CMTM4: variants seen among roughly 807,000 people sequenced by gnomAD.
CMTM4 encodes the protein CKLF like MARVEL transmembrane domain containing 4.
A neutral mutation model predicts 19.0 loss-of-function variants in CMTM4; 8 were observed. The observed-to-expected ratio is 0.42, with a 90% CI of 0.25 to 0.76. The LOEUF is 0.76. CMTM4 is among the 30% of genes least tolerant of loss of function. CMTM4 has a pLI of 0.27. For missense variants in CMTM4, 228 were observed against 290.2 expected, an observed-to-expected ratio of 0.79 and a Z score of 1.56; for synonymous variants, 106 against 121.1, an observed-to-expected ratio of 0.88 and a Z score of 0.82.
chr16:66,599,986 C>T, the CMTM4 span, among the ~76,000 whole-genome samples: 1 of 151,942 alleles, frequency 6.6e-6, no homozygotes, highest in South Asian at 2.1e-4. Flanking sequence ...TGTTGAGCAT[C>T]TTTTTACACG....
chr16:66,639,632 C>G (rs1374071749), intron 1 of CMTM4, among the ~76,000 whole-genome samples: 1 of 152,060 alleles, frequency 6.6e-6, no homozygotes, highest in Non-Finnish European at 1.5e-5. Flanking sequence ...TTTGGGAGTA[C>G]AGCACTTCAG....
the CMTM4 span, among the ~76,000 whole-genome samples, chr16:66,603,602 A>G: frequency 2.0e-5 from 3 of 152,146 alleles, no homozygotes; most frequent in Non-Finnish European, 4.4e-5. Flanking sequence ...TTTTTTATTA[A>G]ACAAAACATC....
intron 1 of CMTM4, among the ~76,000 whole-genome samples, chr16:66,679,746 C>T (rs1241143228): frequency 6.6e-6 from 1 of 151,336 alleles, no homozygotes; most frequent in African/African-American, 2.4e-5. Flanking sequence ...AACGCTTGAA[C>T]CTGGGAGGTG....
At position 66,618,884 on chromosome 16, in the gene CMTM4, G is replaced by C. The variant is rs564519535; in HGVS notation, c.*3174C>G. The C allele has an allele frequency of 6.1e-5, 60 of 985,556 alleles. No homozygotes were observed. The African/African-American group carries it at 1.0e-3, about 17-fold the overall frequency. The allele number at this position is 985,556 out of a possible 1,614,324, so 61.1% of individuals were successfully genotyped here. ...TAACAGGGCCCGAAGGGCTGGGGGT[G>C]CCGCTGGCTTCCCAGGGCCAAGCGC... On this transcript the variant is annotated 3_prime_UTR_variant, in exon 4 of 4. Transcript: ENST00000394106.
chr16:66,678,374 T>TA (rs1374420074), intron 1 of CMTM4, among the ~76,000 whole-genome samples: 1 of 152,256 alleles, frequency 6.6e-6, no homozygotes, highest in South Asian at 2.1e-4. Context: ...ATGAGCTGGA[T>TA]AAAAATCCAG....
intron 1 of CMTM4, among the ~76,000 whole-genome samples, chr16:66,651,005 C>T (rs1001860273): frequency 1.3e-5 from 2 of 152,116 alleles, no homozygotes; most frequent in Admixed American, 6.5e-5. Context: ...TCTATTCCTG[C>T]CAATACTGAA....
At position 66,617,997 on chromosome 16, in the gene CMTM4, C is replaced by G; in HGVS notation, c.*4061G>C. The G allele has an allele frequency of 1.0e-6, 1 of 985,652 alleles. No homozygotes were observed. The highest frequency in any genetic ancestry group is 4.7e-5 in the South Asian group (1 of 21,286). The allele number at this position is 985,652 out of a possible 1,614,324, so 61.1% of individuals were successfully genotyped here. A position where few individuals can be genotyped will look rare whatever the true frequency, so the allele number is the denominator to read the frequency against. ...CTGATAGCAGACAGGTGGGGTGTTC[C>G]AGGCCACTGCTTCCTCCCTTATCTC... On this transcript the variant is annotated 3_prime_UTR_variant, in exon 4 of 4. Coordinates refer to ENST00000394106, the MANE Select transcript of CMTM4 (RefSeq NM_181521.3).
chr16:66,695,978 T>C (rs1470948229), intron 1 of CMTM4, among the ~76,000 whole-genome samples: 1 of 152,244 alleles, frequency 6.6e-6, no homozygotes, highest in African/African-American at 2.4e-5. Flanking sequence ...CGGGAAAACC[T>C]GCCACAGGTT....
At position 66,617,895 on chromosome 16, in the gene CMTM4, G is replaced by C. The variant is rs1050200993; in HGVS notation, c.*4163C>G. Reference sequence around the variant, plus strand: ...CCCTCAAGCTGACTGTGGAACGCGAGACAGCTTTCAAAGACAAGAGGACAG... The same window carrying C: ...CCCTCAAGCTGACTGTGGAACGCGACACAGCTTTCAAAGACAAGAGGACAG... On this transcript the variant is annotated 3_prime_UTR_variant, in exon 4 of 4. Transcript: ENST00000394106. 1 of 988,266 alleles carries C rather than the reference G, an allele frequency of 1.0e-6. No individual in the cohort carries two copies. The highest frequency in any genetic ancestry group is 1.2e-6 in the Non-Finnish European group (1 of 831,916). 61.2% of individuals were successfully genotyped at this position (988,266 alleles called of 1,614,324 possible).
chr16:66,631,360 C>G (rs1482033650), intron 2 of CMTM4, among the ~76,000 whole-genome samples: 1 of 151,506 alleles, frequency 6.6e-6, no homozygotes, highest in Non-Finnish European at 1.5e-5. Flanking sequence ...GTGAGGGGCG[C>G]CTCTGCCCGG....
chr16:66,673,476 G>A lies in CMTM4; in HGVS notation c.186+22864C>T, dbSNP rs190652290. On this transcript the variant is annotated intron_variant, in intron 1 of 3. Coordinates refer to ENST00000394106, the MANE Select transcript of CMTM4 (RefSeq NM_181521.3). ...ACCCACCTCAGCCTCCCAAAGTCCT[G>A]GAATTAGACATAAGCCACTGCACCC... 9.2e-5 allele frequency among the ~76,000 whole-genome samples: 14 copies of A among 152,156 alleles called. No individual in the cohort carries two copies. In the East Asian group the frequency reaches 1.5e-3, roughly 17 times the overall value.
Position 66,617,319 on chromosome 16 carries a change from T to C in CMTM4, c.*4739A>G. The C allele has an allele frequency of 1.2e-6, 2 of 1,614,118 alleles. No homozygotes were observed. Among genetic ancestry groups the C allele is most frequent in the South Asian group, 1.1e-5 (1 of 91,082 alleles). Reference sequence around the variant, plus strand: ...GATTCAAACTCAGCAGGTTTGTGGGTGATTTTTTCCTTACTGTTACGTTTG... The same window carrying C: ...GATTCAAACTCAGCAGGTTTGTGGGCGATTTTTTCCTTACTGTTACGTTTG... On this transcript the variant is annotated 3_prime_UTR_variant, in exon 4 of 4. Transcript: ENST00000394106.
intron 2 of CMTM4, among the ~76,000 whole-genome samples, chr16:66,631,309 G>A (rs1431752019): frequency 1.3e-4 from 19 of 149,194 alleles, no homozygotes; most frequent in African/African-American, 4.5e-4. Flanking sequence ...GGAGGGAGGT[G>A]GGGGGTCAGC....
intron 1 of CMTM4, among the ~76,000 whole-genome samples, chr16:66,637,615 G>A (rs1356648768): frequency 6.6e-6 from 1 of 152,174 alleles, no homozygotes; most frequent in Non-Finnish European, 1.5e-5. Context: ...AGAGTTCATA[G>A]ATCATAAAAT....
At position 66,696,301 on chromosome 16, in the gene CMTM4, G is replaced by C. The variant is rs2017234227; in HGVS notation, c.186+39C>G. ...GGGCGGGGAGGGAGGCGTGCGGCTA[G>C]GCCGCCCTCGGGCACCTGGGGCCCC... On this transcript the variant is annotated intron_variant, in intron 1 of 3. Transcript: ENST00000394106. The surrounding 1 kb of genome is among the most constrained non-coding windows in gnomAD (Gnocchi z 4.3). The C allele has an allele frequency of 3.1e-6, 4 of 1,277,356 alleles. No individual in the cohort carries two copies. The highest frequency in any genetic ancestry group is 4.0e-6 in the Non-Finnish European group (4 of 1,010,124). 79.1% of individuals were successfully genotyped at this position (1,277,356 alleles called of 1,614,324 possible). A position where few individuals can be genotyped will look rare whatever the true frequency, so the allele number is the denominator to read the frequency against.
chr16:66,614,576 A>G (rs966513804), downstream of CMTM4, among the ~76,000 whole-genome samples: 1 of 152,208 alleles, frequency 6.6e-6, no homozygotes, highest in Non-Finnish European at 1.5e-5. This position sits in a 1 kb window ranked among gnomAD's most constrained non-coding sequence, Gnocchi z 4.9. Flanking sequence ...GGTGGAATTT[A>G]CATTCCACCT....
intron 1 of CMTM4, among the ~76,000 whole-genome samples, chr16:66,667,509 A>T: frequency 6.6e-6 from 1 of 152,210 alleles, no homozygotes; most frequent in East Asian, 1.9e-4. Flanking sequence ...CTACATACAT[A>T]AGATGCATTT....
intron 1 of CMTM4, among the ~76,000 whole-genome samples, chr16:66,660,652 G>A (rs181377959): frequency 2.8e-4 from 42 of 152,232 alleles, no homozygotes; most frequent in African/African-American, 9.1e-4. Context: ...TTTTAACTTA[G>A]AGGTATTTTC....
chr16:66,614,971 T>C lies in CMTM4; in HGVS notation c.*7087A>G, dbSNP rs901197714. 1.3e-5 allele frequency: 2 copies of C among 152,176 alleles called. No individual in the cohort carries two copies. The highest frequency in any genetic ancestry group is 2.9e-5 in the Non-Finnish European group (2 of 68,044). The allele number at this position is 152,176 out of a possible 1,614,324, so 9.4% of individuals were successfully genotyped here. ...TTGCCTGCTGTCGGGGACAAATCAATAGCAGCAAAGCTTTGGGGCCCCAAC... is the reference window on the plus strand; with the variant it reads ...TTGCCTGCTGTCGGGGACAAATCAACAGCAGCAAAGCTTTGGGGCCCCAAC... On this transcript the variant is annotated 3_prime_UTR_variant, in exon 4 of 4. Transcript: ENST00000394106. This position sits in a 1 kb window ranked among gnomAD's most constrained non-coding sequence, Gnocchi z 4.9.
Sources: allele counts gnomAD v4.1 joint callset (sites outside exome capture counted in the v4.1 genomes callset), GRCh38; gene constraint gnomAD v4.1.1; non-coding constraint Gnocchi (gnomAD v3.1); transcripts MANE v1.5; gene names NCBI Gene and HGNC (gene_info 2026-07-23, HGNC 2026-07-21).